Variants in PRDM16 observed in about 807,000 individuals in gnomAD.
PRDM16 encodes histone-lysine N-methyltransferase PRDM16.
PRDM16 carries 23 observed loss-of-function variants against 110.6 expected under a neutral mutation model. The observed-to-expected ratio is 0.21, with a 90% CI of 0.15 to 0.29. The LOEUF is 0.29. Among genes scored for constraint, PRDM16 ranks in the 10% least tolerant of loss-of-function variants. The pLI, the probability that PRDM16 is intolerant of heterozygous loss-of-function variation, is 1.00. For missense variants in PRDM16, 1,615 were observed against 1,794.3 expected, an observed-to-expected ratio of 0.90 and a Z score of 1.81; for synonymous variants, 799 against 781.8, an observed-to-expected ratio of 1.02 and a Z score of -0.37.
chr1:3,434,034 CTG>C lies in PRDM16; in HGVS notation c.*225_*226del. On this transcript the variant is annotated 3_prime_UTR_variant, in exon 17 of 17. Coordinates refer to ENST00000270722, the MANE Select transcript of PRDM16 (RefSeq NM_022114.4). ...TCTCCAAGGATTGGTCTTGAGAACA[CTG>C]TTCAGTGACGGCCATGCAGGTGGCC... is the stretch of plus-strand genomic sequence containing the variant. The C allele has an allele frequency of 1.9e-6, 1 of 540,490 alleles. No homozygotes were observed. The highest frequency in any genetic ancestry group is 3.3e-6 in the Non-Finnish European group (1 of 307,476). 33.5% of individuals were successfully genotyped at this position (540,490 alleles called of 1,614,324 possible).
chr1:3,394,463 C>T (rs1643353512), intron 4 of PRDM16: 1 of 444,270 alleles, frequency 2.3e-6, no homozygotes, highest in Non-Finnish European at 4.5e-6. Context: ...CACGTCAGGA[C>T]CCTCGACGGG....
chr1:3,405,741 G>T, intron 8 of PRDM16, 93 bp downstream of exon 8: 1 of 1,312,296 alleles, frequency 7.6e-7, no homozygotes, highest in Non-Finnish European at 1.0e-6. Context: ...GGTCTCCCCC[G>T]ATCCGAGGGG....
chr1:3,405,163 A>G (rs2100646996), intron 7 of PRDM16, among the ~76,000 whole-genome samples: 1 of 152,186 alleles, frequency 6.6e-6, no homozygotes, highest in East Asian at 1.9e-4. Flanking sequence ...TGTGGAAGGA[A>G]GAGGCTGGCG....
chr1:3,384,781 A>G (rs1476197621), intron 3 of PRDM16, among the ~76,000 whole-genome samples: 1 of 152,200 alleles, frequency 6.6e-6, no homozygotes, highest in African/African-American at 2.4e-5. Context: ...GCTCCTTAGC[A>G]GAGGGCTCTG....
At chr1:3,331,450 T>TTGAA (rs59248922) in intron 3 of PRDM16, among the ~76,000 whole-genome samples, 34,144 of 151,474 alleles carry the variant, frequency 0.23, 4,839 homozygotes, top group African/African-American at 0.4. Context: ...AGCACGTTTG[T>TTGAA]TGAATGAATG....
chr1:3,407,230 C>T (rs1354283438), intron 8 of PRDM16, among the ~76,000 whole-genome samples: 1 of 152,240 alleles, frequency 6.6e-6, no homozygotes, highest in Non-Finnish European at 1.5e-5. Context: ...CTGTCAGCAC[C>T]TGGGCTGTGC....
At chr1:3,138,552 C>A (rs1643484855) in intron 1 of PRDM16, among the ~76,000 whole-genome samples, 1 of 152,252 alleles carries the variant, frequency 6.6e-6, no homozygotes, top group Non-Finnish European at 1.5e-5. Context: ...GACATACCTG[C>A]CCTCACCTGG....
chr1:3,436,207 T>A lies in PRDM16; in HGVS notation c.*2396T>A, dbSNP rs1262132824. Reference sequence around the variant, plus strand: ...AAAGAGTAAGGTGTGTGCTTTTTTTTTTTTGCAATATGACCCCGTCTCTCT... The same window carrying A: ...AAAGAGTAAGGTGTGTGCTTTTTTTATTTTGCAATATGACCCCGTCTCTCT... On this transcript the variant is annotated 3_prime_UTR_variant, in exon 17 of 17. Coordinates refer to ENST00000270722, the MANE Select transcript of PRDM16 (RefSeq NM_022114.4). 4.4e-6 allele frequency: 1 copy of A among 229,246 alleles called. No homozygotes were observed. The highest frequency in any genetic ancestry group is 8.6e-6 in the Non-Finnish European group (1 of 115,642). The allele number at this position is 229,246 out of a possible 1,614,324, so 14.2% of individuals were successfully genotyped here.
At chr1:3,186,037 T>G in intron 1 of PRDM16, 88 bp from the exon 2 acceptor site, 2 of 1,154,854 alleles carry the variant, frequency 1.7e-6, no homozygotes, top group Non-Finnish European at 2.6e-6. Context: ...TCGGTGCCCA[T>G]TGATGCCCGA....
chr1:3,086,258 G>T (rs746279498), intron 1 of PRDM16, among the ~76,000 whole-genome samples: 9 of 152,122 alleles, frequency 5.9e-5, no homozygotes, highest in Non-Finnish European at 1.0e-4. Flanking sequence ...GACAGCCAGG[G>T]CGGCTGAGCC....
At chr1:3,160,334 G>A (rs549995439) in intron 1 of PRDM16, among the ~76,000 whole-genome samples, 2 of 152,340 alleles carry the variant, frequency 1.3e-5, no homozygotes, top group Admixed American at 1.3e-4. Context: ...CCCCACACCT[G>A]GTGTGCTGGG....
chr1:3,196,150 A>G (rs80344793), intron 2 of PRDM16, among the ~76,000 whole-genome samples: 2,211 of 152,336 alleles, frequency 0.015, 40 homozygotes, highest in Middle Eastern at 0.024. Flanking sequence ...GGAGAGGCAC[A>G]GGTGAGCTCC....
intron 4 of PRDM16, among the ~76,000 whole-genome samples, chr1:3,393,980 C>T (rs1012535393): frequency 3.9e-5 from 6 of 152,172 alleles, no homozygotes; most frequent in Non-Finnish European, 7.4e-5. Context: ...GAGCCCGCGG[C>T]CCGGCGCGCT....
chr1:3,300,023 G>A lies in PRDM16; in HGVS notation c.438+55886G>A, dbSNP rs555485121. ...GCTCTGCCCTTGTTGAAGATGCTAT[G>A]CTGTGGCCGTGATGTTTCCGATCCC... On this transcript the variant is annotated intron_variant, in intron 3 of 16. Transcript: ENST00000270722. Among the ~76,000 whole-genome samples the A allele has an allele frequency of 6.5e-3, 636 of 97,814 alleles. 35 individuals carry two copies. The highest frequency in any genetic ancestry group is 0.018 in the African/African-American group (607 of 32,820). 64.2% of individuals were successfully genotyped at this position (97,814 alleles called of 152,430 possible).
chr1:3,123,066 CG>C, intron 1 of PRDM16, among the ~76,000 whole-genome samples: 1 of 152,268 alleles, frequency 6.6e-6, no homozygotes, highest in South Asian at 2.1e-4. Context: ...CAGTGTTCTT[CG>C]GTGTAAAGTG....
At chr1:3,108,555 C>G (rs1338657991) in intron 1 of PRDM16, among the ~76,000 whole-genome samples, 2 of 152,244 alleles carry the variant, frequency 1.3e-5, no homozygotes, top group Non-Finnish European at 1.5e-5. Flanking sequence ...GCTACAGTGC[C>G]TGACACAGCT....
At chr1:3,141,641 G>A (rs1643551841) in intron 1 of PRDM16, among the ~76,000 whole-genome samples, 1 of 152,234 alleles carries the variant, frequency 6.6e-6, no homozygotes, top group South Asian at 2.1e-4. Flanking sequence ...ACAACGTGGT[G>A]GCATTAATCA....
Position 3,247,128 on chromosome 1 carries a change from C to T in PRDM16, c.438+2991C>T, listed in dbSNP as rs1639807409. Among the ~76,000 whole-genome samples the T allele has an allele frequency of 1.3e-5, 2 of 152,158 alleles. 1 individual carries two copies. The highest frequency in any genetic ancestry group is 4.1e-4 in the South Asian group (2 of 4,828). ...AAGGCACACTTGGGAACATTAAAAA[C>T]CTCATAGGGGAACATGACGGGGGTG... On this transcript the variant is annotated intron_variant, in intron 3 of 16. Coordinates refer to ENST00000270722, the MANE Select transcript of PRDM16 (RefSeq NM_022114.4).
chr1:3,295,190 G>A (rs971759267), intron 3 of PRDM16, among the ~76,000 whole-genome samples: 7 of 152,202 alleles, frequency 4.6e-5, no homozygotes, highest in African/African-American at 7.2e-5. Context: ...CTCACAGAAC[G>A]AGGAGCCAGG....
Sources: allele counts gnomAD v4.1 joint callset (sites outside exome capture counted in the v4.1 genomes callset), GRCh38; gene constraint gnomAD v4.1.1; transcripts MANE v1.5; gene names NCBI Gene and HGNC (gene_info 2026-07-23, HGNC 2026-07-21).